SCAF8: variants seen among roughly 807,000 people sequenced by gnomAD.
The protein encoded by SCAF8 is SR-related and CTD-associated factor 8.
SCAF8 carries 23 observed loss-of-function variants against 140.5 expected under a neutral mutation model. The observed-to-expected ratio is 0.16, with a 90% confidence interval of 0.12 to 0.23. SCAF8 has a LOEUF of 0.23. Ranked by LOEUF, SCAF8 falls within the 10% of genes least tolerant of loss-of-function variation. The probability of loss-of-function intolerance (pLI) is 1.00; values close to 1 mark genes in which losing one functional copy is unlikely to be tolerated. For synonymous variants in SCAF8, 575 were observed against 528.9 expected (o/e 1.09, Z -1.20); for missense variants, 1,397 against 1,555.7 (o/e 0.90, Z 1.72).
chr6:154,733,401 C>A, upstream of SCAF8: 1 of 1,384,756 alleles, frequency 7.2e-7, no homozygotes. Context: ...CTGCGCGGCC[C>A]GACTCGAGTC....
intron 1 of SCAF8, among the ~76,000 whole-genome samples, chr6:154,759,987 G>A (rs73581056): frequency 0.02 from 3,102 of 151,716 alleles, 107 homozygotes; most frequent in African/African-American, 0.07. Flanking sequence ...AATTTTATAA[G>A]CACTTTAAAA....
chr6:154,798,041 A>G (rs1029342763), intron 6 of SCAF8, among the ~76,000 whole-genome samples: 12 of 151,254 alleles, frequency 7.9e-5, no homozygotes, highest in Admixed American at 7.9e-4. Context: ...CATTCACTCA[A>G]CCTTCAGCAA....
At chr6:154,784,120 G>GAGATATATAT (rs1362230678) in intron 3 of SCAF8, among the ~76,000 whole-genome samples, 3 of 106,824 alleles carry the variant, frequency 2.8e-5, no homozygotes, top group South Asian at 2.9e-4. Flanking sequence ...GGTGTCTTGA[G>GAGATATATAT]ATATATATAT....
chr6:154,733,938 T>C lies in SCAF8; in HGVS notation c.30+8T>C. On this transcript the variant is annotated splice_region_variant and intron_variant, in intron 1 of 19. Transcript: ENST00000367178. ...AAGACCTTCAATAGCGAGGTTGGTA[T>C]GGCAGCCGGGTTCCCCTGCTCCTGC... 5 of 1,530,646 alleles carry C rather than the reference T, an allele frequency of 3.3e-6. No individual in the cohort carries two copies. Among genetic ancestry groups the C allele is most frequent in the Non-Finnish European group, 4.4e-6 (5 of 1,145,488 alleles). The allele number at this position is 1,530,646 out of a possible 1,614,324, so 94.8% of individuals were successfully genotyped here.
chr6:154,814,785 G>A (rs1778198587), intron 12 of SCAF8, among the ~76,000 whole-genome samples: 1 of 152,194 alleles, frequency 6.6e-6, no homozygotes, highest in Non-Finnish European at 1.5e-5. Context: ...GCTGAAAGTA[G>A]GCAAGGTGTC....
At chr6:154,802,818 C>A (rs1294422650) in intron 7 of SCAF8, among the ~76,000 whole-genome samples, 1 of 152,018 alleles carries the variant, frequency 6.6e-6, no homozygotes, top group Admixed American at 6.6e-5. Context: ...AATTAAAATT[C>A]TTTAATCAAT....
rs534410552 is a variant in SCAF8, at chr6:154,741,072, C to T, written c.30+7142C>T. On this transcript the variant is annotated intron_variant, in intron 1 of 19. Transcript: ENST00000367178. ...ATTGAAGATTTCAGTTAGGTTAAGTCCATTGTGAGTTTTATGTTGTCTAGT... is the reference window on the plus strand; with the variant it reads ...ATTGAAGATTTCAGTTAGGTTAAGTTCATTGTGAGTTTTATGTTGTCTAGT... Among the ~76,000 whole-genome samples the T allele has an allele frequency of 5.8e-4, 88 of 152,020 alleles. 1 individual carries two copies. The highest frequency in any genetic ancestry group is 7.1e-4 in the Non-Finnish European group (48 of 67,992).
chr6:154,779,760 T>G (rs552184311), intron 3 of SCAF8, among the ~76,000 whole-genome samples: 6 of 93,830 alleles, frequency 6.4e-5, no homozygotes, highest in South Asian at 4.5e-4. Flanking sequence ...TAAAATAAGG[T>G]GTGTGTGTGT....
rs144200369 is a variant in SCAF8 at position 154,815,953 on chromosome 6, G to C, written c.1521+137G>C. ...ATCTTTAAAAGGATTGCTTTACTTTGATAATGTCTGTGTTTATTTTGGTGC... is the reference window on the plus strand; with the variant it reads ...ATCTTTAAAAGGATTGCTTTACTTTCATAATGTCTGTGTTTATTTTGGTGC... On this transcript the variant is annotated intron_variant, in intron 13 of 19. Coordinates refer to ENST00000367178, the MANE Select transcript of SCAF8 (RefSeq NM_014892.5). 1.4e-3 allele frequency: 664 copies of C among 487,060 alleles called. 2 individuals carry two copies. Among genetic ancestry groups the C allele is most frequent in the African/African-American group, 0.012 (609 of 51,664 alleles). The allele number at this position is 487,060 out of a possible 1,614,324, so 30.2% of individuals were successfully genotyped here. A position where few individuals can be genotyped will look rare whatever the true frequency, so the allele number is the denominator to read the frequency against.
chr6:154,744,812 C>T (rs1263544887), intron 1 of SCAF8, among the ~76,000 whole-genome samples: 1 of 152,130 alleles, frequency 6.6e-6, no homozygotes, highest in Non-Finnish European at 1.5e-5. Context: ...TTTATGTATA[C>T]TTCATCCAGA....
intron 1 of SCAF8, among the ~76,000 whole-genome samples, chr6:154,734,408 C>G (rs994108056): frequency 2.0e-5 from 3 of 152,116 alleles, no homozygotes; most frequent in African/African-American, 7.2e-5. Flanking sequence ...TCTGTGGTCA[C>G]GTTACACGTA....
intron 3 of SCAF8, among the ~76,000 whole-genome samples, chr6:154,779,760 TG>T (rs1777028282): frequency 2.1e-5 from 2 of 93,830 alleles, no homozygotes; most frequent in African/African-American, 1.0e-4. Flanking sequence ...TAAAATAAGG[TG>T]TGTGTGTGTG....
intron 1 of SCAF8, among the ~76,000 whole-genome samples, chr6:154,734,534 T>C (rs1250552949): frequency 6.6e-6 from 1 of 152,178 alleles, no homozygotes; most frequent in Non-Finnish European, 1.5e-5. Context: ...TTTTACTCGC[T>C]CCTCTTCTAA....
intron 12 of SCAF8, among the ~76,000 whole-genome samples, chr6:154,814,976 T>TTAATC (rs796081012): frequency 1.2e-4 from 19 of 152,290 alleles, no homozygotes; most frequent in African/African-American, 4.6e-4. Flanking sequence ...ACACATTCAC[T>TTAATC]TAATCCTTCC....
rs1728999693 is a variant in SCAF8 at position 154,829,334 on chromosome 6, A to C, written c.2141-1588A>C. On this transcript the variant is annotated intron_variant, in intron 18 of 19. Transcript: ENST00000367178. The stretch of plus-strand genomic sequence containing the variant: ...AGAATAGACATTTCAAAAGTAATGT[A>C]ATGCAACAGTAAATATAGACATTTA... 2.0e-5 allele frequency among the ~76,000 whole-genome samples: 3 copies of C among 152,050 alleles called. No individual in the cohort carries two copies. The South Asian group carries it at 6.2e-4, about 32-fold the overall frequency.
intron 6 of SCAF8, among the ~76,000 whole-genome samples, chr6:154,796,785 C>T (rs1777620826): frequency 6.6e-6 from 1 of 152,028 alleles, no homozygotes; most frequent in South Asian, 2.1e-4. Flanking sequence ...CTAGCCGGGC[C>T]AACGTGGTGA....
intron 1 of SCAF8, 41 bp downstream of exon 1, chr6:154,733,971 GC>G (rs747651341): frequency 1.3e-6 from 2 of 1,501,136 alleles, no homozygotes; most frequent in Non-Finnish European, 1.8e-6. Flanking sequence ...TGCCCGCACC[GC>G]CCCCACCCCT....
In SCAF8 at chr6:154,733,934, G is replaced by T; in HGVS notation, c.30+4G>T. Reference sequence around the variant, plus strand: ...CGTGAAGACCTTCAATAGCGAGGTTGGTATGGCAGCCGGGTTCCCCTGCTC... The same window carrying T: ...CGTGAAGACCTTCAATAGCGAGGTTTGTATGGCAGCCGGGTTCCCCTGCTC... On this transcript the variant is annotated splice_donor_region_variant and intron_variant, in intron 1 of 19. Coordinates refer to ENST00000367178, the MANE Select transcript of SCAF8 (RefSeq NM_014892.5). 6.5e-7 allele frequency: 1 copy of T among 1,531,822 alleles called. No homozygotes were observed. Among genetic ancestry groups the T allele is most frequent in the Non-Finnish European group, 8.7e-7 (1 of 1,146,176 alleles). The allele number at this position is 1,531,822 out of a possible 1,614,324, so 94.9% of individuals were successfully genotyped here.
chr6:154,813,492 T>C (rs4869835), intron 12 of SCAF8, among the ~76,000 whole-genome samples: 91,635 of 151,954 alleles, frequency 0.6, 30,246 homozygotes, highest in East Asian at 0.91. Flanking sequence ...CATTGCACTC[T>C]AGCCTCAGCC....
Sources: gnomAD v4.1 joint callset for allele counts (sites outside exome capture counted in the v4.1 genomes callset) on GRCh38, gnomAD v4.1.1 for gene constraint, MANE v1.5 for transcripts, NCBI Gene and HGNC (gene_info 2026-07-23, HGNC 2026-07-21) for gene names.